The following SGSM1 variants were observed in gnomAD, a reference collection of about 807,000 sequenced individuals.
SGSM1 encodes RUN and TBC1 domain containing 2.
A neutral mutation model predicts 133.8 loss-of-function variants in SGSM1; 73 were observed. The observed-to-expected ratio is 0.55, with a 90% confidence interval of 0.45 to 0.66. The LOEUF (loss-of-function observed/expected upper bound fraction) is 0.66. SGSM1 is among the 30% of genes least tolerant of loss of function. The pLI, the probability that SGSM1 is intolerant of heterozygous loss-of-function variation, is 0.00. For synonymous variants in SGSM1, 563 were observed against 573.0 expected, an observed-to-expected ratio of 0.98 and a Z score of 0.25; for missense variants, 1,213 against 1,448.1, an observed-to-expected ratio of 0.84 and a Z score of 2.64.
At chr22:24,824,786 G>C (rs5760690) in intron 2 of SGSM1, among the ~76,000 whole-genome samples, 41,424 of 151,924 alleles carry the variant, frequency 0.27, 6,648 homozygotes, top group East Asian at 0.61. Flanking sequence ...TCCCCACTAC[G>C]CTGTCAGGTC....
chr22:24,880,988 C>A (rs867535355), intron 14 of SGSM1, among the ~76,000 whole-genome samples: 1 of 151,388 alleles, frequency 6.6e-6, no homozygotes, highest in Non-Finnish European at 1.5e-5. Context: ...GTCAGGAGTT[C>A]GAGACCAGCC....
At chr22:24,831,406 T>C (rs28681220) in intron 2 of SGSM1, among the ~76,000 whole-genome samples, 1 of 152,060 alleles carries the variant, frequency 6.6e-6, no homozygotes, top group African/African-American at 2.4e-5. Flanking sequence ...GCAGCAGTCA[T>C]TGGATGTGCA....
At chr22:24,871,840 G>A (rs111626646) in intron 12 of SGSM1, among the ~76,000 whole-genome samples, 9 of 152,266 alleles carry the variant, frequency 5.9e-5, no homozygotes, top group African/African-American at 1.9e-4. Flanking sequence ...GGCTTGAGCC[G>A]CACAGGCTTA....
In SGSM1 at chr22:24,833,688, T is replaced by C. The variant is rs150441323; in HGVS notation, c.64-11209T>C. On this transcript the variant is annotated intron_variant, in intron 2 of 24. Transcript: ENST00000400358. The stretch of plus-strand genomic sequence containing the variant: ...AAAAAAAAGATTTCCACATATGAAA[T>C]GGAGGTGAAGGGAACACAGTTAAGC... Among the ~76,000 whole-genome samples, 105 of 149,718 alleles carry C rather than the reference T, an allele frequency of 7.0e-4. 1 individual carries two copies. In the East Asian group the frequency reaches 7.6e-3, roughly 11 times the overall value.
chr22:24,896,902 G>A (rs151062702), intron 18 of SGSM1, among the ~76,000 whole-genome samples: 100 of 152,140 alleles, frequency 6.6e-4, no homozygotes, highest in African/African-American at 2.4e-3. Context: ...GCTTGAACCC[G>A]GGAGGCGGAG....
At chr22:24,902,004 G>A in intron 20 of SGSM1, 47 bp downstream of exon 20, 2 of 1,377,702 alleles carry the variant, frequency 1.5e-6, no homozygotes, top group South Asian at 1.5e-5. Context: ...ATGGTGGGTG[G>A]GTGGGATGGG....
In SGSM1 at chr22:24,924,574, G is replaced by A. The variant is rs137873193; in HGVS notation, c.*300G>A. 2.3e-6 allele frequency: 1 copy of A among 425,746 alleles called. No individual in the cohort carries two copies. The highest frequency in any genetic ancestry group is 4.3e-6 in the Non-Finnish European group (1 of 231,476). The allele number at this position is 425,746 out of a possible 1,614,324, so 26.4% of individuals were successfully genotyped here. ...GGAGGAGCCATCTTTGTTTGCTGGTGCCCGGAATGGTCTCCTCTTCTTCTT... is the reference window on the plus strand; with the variant it reads ...GGAGGAGCCATCTTTGTTTGCTGGTACCCGGAATGGTCTCCTCTTCTTCTT... On this transcript the variant is annotated 3_prime_UTR_variant, in exon 25 of 25. Coordinates refer to ENST00000400358, the MANE Select transcript of SGSM1 (RefSeq NM_001098497.3).
intron 2 of SGSM1, among the ~76,000 whole-genome samples, chr22:24,813,078 A>G (rs1927844272): frequency 6.6e-6 from 1 of 152,224 alleles, no homozygotes. Context: ...GTGTTTGAGC[A>G]GAGACCTGAA....
Position 24,886,740 on chromosome 22 carries a change from G to A in SGSM1, c.1770+12G>A. 6.3e-7 allele frequency: 1 copy of A among 1,577,802 alleles called. No individual in the cohort carries two copies. Among genetic ancestry groups the A allele is most frequent in the African/African-American group, 1.3e-5 (1 of 74,270 alleles). On this transcript the variant is annotated intron_variant, in intron 16 of 24. Coordinates refer to ENST00000400358, the MANE Select transcript of SGSM1 (RefSeq NM_001098497.3). ...CAGAAAGGAAAGAGGTCGGTTACCT[G>A]CCATGGGCACTGGGATCTTTGGCAA...
chr22:24,812,491 C>G (rs55849854), intron 2 of SGSM1, among the ~76,000 whole-genome samples: 81,243 of 151,874 alleles, frequency 0.53, 23,319 homozygotes, highest in African/African-American at 0.75. Context: ...CAGTGGTGGG[C>G]AGCTATGAGC....
chr22:24,832,817 C>A (rs1316551923), intron 2 of SGSM1, among the ~76,000 whole-genome samples: 1 of 152,164 alleles, frequency 6.6e-6, no homozygotes, highest in Non-Finnish European at 1.5e-5. Context: ...AGCTGCAGGA[C>A]TAGTTCCCTC....
chr22:24,864,650 T>G (rs1601935830), intron 9 of SGSM1, among the ~76,000 whole-genome samples: 1 of 152,134 alleles, frequency 6.6e-6, no homozygotes, highest in East Asian at 1.9e-4. Flanking sequence ...GAAAGCAGAT[T>G]ATTGTTGGTT....
chr22:24,907,067 C>G (rs2123724294), intron 21 of SGSM1, among the ~76,000 whole-genome samples: 1 of 151,958 alleles, frequency 6.6e-6, no homozygotes, highest in Non-Finnish European at 1.5e-5. Context: ...CGAGACCAGC[C>G]TGGCCAACAT....
intron 9 of SGSM1, among the ~76,000 whole-genome samples, 164 bp downstream of exon 9, chr22:24,860,004 C>T (rs1382789762): frequency 6.6e-6 from 1 of 152,160 alleles, no homozygotes; most frequent in Non-Finnish European, 1.5e-5. Flanking sequence ...CAGCTGTGGC[C>T]TCCCAGGAAA....
rs1169188351 is a variant in SGSM1 at position 24,884,276 on chromosome 22, A to C, written c.1641+78A>C. On this transcript the variant is annotated intron_variant, in intron 15 of 24. Transcript: ENST00000400358. ...ATCTTATTATCTGAGAAATAAGCCC[A>C]CATGCTTGTGGGGACTTGAGCTGAC... The C allele has an allele frequency of 2.6e-6, 4 of 1,520,138 alleles. No homozygotes were observed. In the Admixed American group the frequency reaches 6.0e-5, roughly 23 times the overall value. 94.2% of individuals were successfully genotyped at this position (1,520,138 alleles called of 1,614,324 possible). A position where few individuals can be genotyped will look rare whatever the true frequency, so the allele number is the denominator to read the frequency against.
chr22:24,826,503 A>C (rs764622308), intron 2 of SGSM1, among the ~76,000 whole-genome samples: 18 of 152,166 alleles, frequency 1.2e-4, no homozygotes, highest in Non-Finnish European at 2.1e-4. Flanking sequence ...TAGTGTTACT[A>C]ATGTAGTCCG....
Position 24,855,421 on chromosome 22 carries a change from T to C in SGSM1, c.660T>C (p.Pro220=), listed in dbSNP as rs543003554. The change falls in exon 7 of 25, where the codon CCT becomes CCC. Residue 220 remains proline (P), a synonymous_variant. Coordinates refer to ENST00000400358, the MANE Select transcript of SGSM1 (RefSeq NM_001098497.3). The part of the protein sequence containing the change: ...HVRQDSPTKR[P]ALCIQKRHSS... ...GGCAGGACTCGCCCACCAAGCGTCCTGCCCTCTGTGTGAGTGGGGTGGACA... is the reference window on the plus strand; with the variant it reads ...GGCAGGACTCGCCCACCAAGCGTCCCGCCCTCTGTGTGAGTGGGGTGGACA... The C allele has an allele frequency of 6.2e-7, 1 of 1,613,530 alleles. No homozygotes were observed. The highest frequency in any genetic ancestry group is 2.2e-5 in the East Asian group (1 of 44,864).
At chr22:24,806,941 C>T (rs959254325) in intron 2 of SGSM1, among the ~76,000 whole-genome samples, 2 of 152,078 alleles carry the variant, frequency 1.3e-5, no homozygotes, top group African/African-American at 2.4e-5. Flanking sequence ...ATAAAACCTC[C>T]CTTCCCAGCC....
intron 2 of SGSM1, among the ~76,000 whole-genome samples, chr22:24,817,899 A>G (rs931281377): frequency 6.6e-6 from 1 of 152,166 alleles, no homozygotes; most frequent in Non-Finnish European, 1.5e-5. Flanking sequence ...CTCACATGGC[A>G]GAAAGGGGGT....
Sources: allele counts gnomAD v4.1 joint callset (sites outside exome capture counted in the v4.1 genomes callset), GRCh38; gene constraint gnomAD v4.1.1; transcripts MANE v1.5; gene names NCBI Gene and HGNC (gene_info 2026-07-23, HGNC 2026-07-21).